The following TRNT1 variants were observed in gnomAD, a reference collection of about 807,000 sequenced individuals.
The protein encoded by TRNT1 is CCA tRNA nucleotidyltransferase 1, mitochondrial.
Under a neutral mutation model 45.6 loss-of-function variants are expected in TRNT1, and 44 were observed. The observed-to-expected ratio is 0.97, with a 90% confidence interval of 0.76 to 1.24. The LOEUF is 1.24. TRNT1 is among the 50% of genes most tolerant of loss of function. TRNT1 has a pLI of 0.00. For missense variants in TRNT1, 633 were observed against 504.4 expected (o/e 1.25, Z -2.44); for synonymous variants, 201 against 171.4 (o/e 1.17, Z -1.35).
rs749437475 is a variant in TRNT1 at position 3,147,494 on chromosome 3, A to T, written c.847A>T (p.Lys283Ter). The T allele has an allele frequency of 1.2e-6, 2 of 1,613,854 alleles. No homozygotes were observed. Among genetic ancestry groups the T allele is most frequent in the Non-Finnish European group, 1.7e-6 (2 of 1,179,798 alleles). Residue 283 changes from lysine (K) to a stop codon, truncating the protein, a stop_gained, in exon 7 of 8, where the codon AAA (lysine) becomes TAA (stop). Coordinates refer to ENST00000251607, the MANE Select transcript of TRNT1 (RefSeq NM_182916.3). LOFTEE classifies it high-confidence loss of function. ...TTTAGAAGAATTTGACAAAGTCAGT[A>T]AAAATGTTGATGGTTTTTCACCAAA... Reference protein sequence around the residue: ...ASLEEFDKVSKNVDGFSPKPV... With the variant: ...ASLEEFDKVS
chr3:3,135,132 A>G (rs1186056689), intron 2 of TRNT1, among the ~76,000 whole-genome samples: 2 of 152,128 alleles, frequency 1.3e-5, no homozygotes, highest in Non-Finnish European at 2.9e-5. Context: ...GGTGACTGCT[A>G]TGTGAATGTC....
chr3:3,147,870 G>C, intron 7 of TRNT1, 36 bp from the exon 8 acceptor site: 1 of 1,587,434 alleles, frequency 6.3e-7, no homozygotes, highest in Non-Finnish European at 8.6e-7. Context: ...ATGTTTTCAT[G>C]TGTGACGAAA....
chr3:3,128,776 A>ATTT (rs4055814), intron 1 of TRNT1, among the ~76,000 whole-genome samples: 1 of 151,828 alleles, frequency 6.6e-6, no homozygotes, highest in East Asian at 1.9e-4. Context: ...GTACTGAAAC[A>ATTT]GTTATGGAGG....
chr3:3,140,984 A>G (rs1705613096), intron 4 of TRNT1, among the ~76,000 whole-genome samples: 2 of 152,146 alleles, frequency 1.3e-5, no homozygotes, highest in Non-Finnish European at 1.5e-5. Flanking sequence ...AGGCAGGAGA[A>G]TGGTGTGAAC....
At chr3:3,144,078 G>C (rs1358401282) in intron 4 of TRNT1, among the ~76,000 whole-genome samples, 10 of 152,112 alleles carry the variant, frequency 6.6e-5, no homozygotes, top group African/African-American at 2.4e-4. Context: ...CTGCCATACA[G>C]GCATATTTCA....
Position 3,140,655 on chromosome 3 carries a change from T to G in TRNT1, c.481+7T>G. 6.2e-7 allele frequency: 1 copy of G among 1,613,550 alleles called. No homozygotes were observed. The highest frequency in any genetic ancestry group is 8.5e-7 in the Non-Finnish European group (1 of 1,179,790). ...ATAAATTCTATGTTTTTAGGTAATA[T>G]TTGCAGATAAAACCATATTGTGAGT... is the stretch of plus-strand genomic sequence containing the variant. On this transcript the variant is annotated splice_region_variant and intron_variant, in intron 4 of 7. Transcript: ENST00000251607.
At chr3:3,140,440 A>G (rs1214621616) in intron 3 of TRNT1, 70 bp from the exon 4 acceptor site, 13 of 1,525,764 alleles carry the variant, frequency 8.5e-6, no homozygotes, top group South Asian at 1.2e-5. Flanking sequence ...ACAAAAACTT[A>G]TTTTTTTCAA....
At chr3:3,136,853 T>C in intron 2 of TRNT1, 2 of 306,270 alleles carry the variant, frequency 6.5e-6, no homozygotes, top group Non-Finnish European at 6.4e-6. Flanking sequence ...AGTCTTGCTC[T>C]TTGCCCAGGC....
downstream of TRNT1, chr3:3,149,162 A>C (rs1045826809): frequency 1.8e-4 from 28 of 152,124 alleles, no homozygotes; most frequent in African/African-American, 6.0e-4. Context: ...AATTTTGTAG[A>C]GTGTAATATT....
At chr3:3,145,920 T>C (rs546276073) in intron 5 of TRNT1, among the ~76,000 whole-genome samples, 2 of 151,842 alleles carry the variant, frequency 1.3e-5, no homozygotes, top group East Asian at 3.9e-4. Context: ...GTTCTAAGAT[T>C]CCGCGAAATA....
intron 2 of TRNT1, among the ~76,000 whole-genome samples, chr3:3,131,013 G>C (rs1704985868): frequency 6.6e-6 from 1 of 152,006 alleles, no homozygotes. Context: ...GCCTGGGAGG[G>C]GGGCTTGCGG....
chr3:3,136,766 CA>C (rs1353086697), intron 2 of TRNT1: 4 of 375,510 alleles, frequency 1.1e-5, no homozygotes, highest in African/African-American at 6.5e-5. Context: ...GCCATCCTCC[CA>C]CCTCAGCCTC....
At chr3:3,130,399 A>G (rs1704941224) in intron 2 of TRNT1, 1 of 162,318 alleles carries the variant, frequency 6.2e-6, no homozygotes, top group Admixed American at 5.6e-5. Flanking sequence ...TCTCAAAGCT[A>G]CTTTCCCATT....
chr3:3,138,927 G>A (rs1705482438), intron 3 of TRNT1, among the ~76,000 whole-genome samples: 1 of 152,184 alleles, frequency 6.6e-6, no homozygotes, highest in Admixed American at 6.5e-5. Flanking sequence ...TTTTGCATGG[G>A]AAGTGTCAGC....
downstream of TRNT1, chr3:3,150,844 C>CTAAA (rs2126047016): frequency 1.2e-6 from 2 of 1,607,232 alleles, no homozygotes. Context: ...TGTTAGATAA[C>CTAAA]TTTATCTCTA....
intron 4 of TRNT1, 21 bp downstream of exon 4, chr3:3,140,669 C>A (rs750437887): frequency 1.9e-6 from 3 of 1,611,110 alleles, no homozygotes; most frequent in African/African-American, 2.7e-5. Flanking sequence ...CAGATAAAAC[C>A]ATATTGTGAG....
downstream of TRNT1, chr3:3,152,711 G>T: frequency 8.7e-7 from 1 of 1,148,400 alleles, no homozygotes; most frequent in Non-Finnish European, 1.3e-6. Flanking sequence ...TAATCCTTCA[G>T]TTTTATATAA....
intron 2 of TRNT1, among the ~76,000 whole-genome samples, chr3:3,135,037 A>AG (rs1705240822): frequency 6.6e-6 from 1 of 152,128 alleles, no homozygotes; most frequent in Admixed American, 6.5e-5. Context: ...AATTAAAAAA[A>AG]AGAGAGAATA....
intron 1 of TRNT1, chr3:3,127,240 C>A (rs1428234550): frequency 1.3e-5 from 2 of 152,294 alleles, no homozygotes; most frequent in Non-Finnish European, 2.9e-5. Context: ...GCGCGGACGG[C>A]CCCGAGACGC....
Sources: gnomAD v4.1 joint callset for allele counts (sites outside exome capture counted in the v4.1 genomes callset) on GRCh38, gnomAD v4.1.1 for gene constraint, MANE v1.5 for transcripts, NCBI Gene and HGNC (gene_info 2026-07-23, HGNC 2026-07-21) for gene names.